Variants in TRDMT1 observed in about 807,000 individuals in gnomAD.
The protein encoded by TRDMT1 is tRNA (cytosine(38)-C(5))-methyltransferase.
In TRDMT1, 49 loss-of-function variants were observed where a neutral mutation model predicts 51.2. The observed-to-expected ratio is 0.96, with a 90% CI of 0.76 to 1.21. The LOEUF is 1.21. Among genes scored for constraint, TRDMT1 ranks in the 50% most tolerant of loss-of-function variants. TRDMT1 has a pLI of 0.00. For synonymous variants in TRDMT1, 187 were observed against 164.6 expected, an observed-to-expected ratio of 1.14 and a Z score of -1.04; for missense variants, 534 against 462.3, an observed-to-expected ratio of 1.16 and a Z score of -1.42.
intron 3 of TRDMT1, among the ~76,000 whole-genome samples, 180 bp from the exon 4 acceptor site, chr10:17,162,417 A>G: frequency 6.6e-6 from 1 of 152,160 alleles, no homozygotes; most frequent in Admixed American, 6.5e-5. Context: ...ATTTATAAAG[A>G]AAAAAGGGGT....
At chr10:17,163,604 A>T (rs1310731716) in intron 3 of TRDMT1, among the ~76,000 whole-genome samples, 1 of 152,188 alleles carries the variant, frequency 6.6e-6, no homozygotes, top group Non-Finnish European at 1.5e-5. Context: ...GAAAAGATCA[A>T]CAAAATTGAT....
chr10:17,172,275 C>T (rs1240210311), intron 2 of TRDMT1, among the ~76,000 whole-genome samples: 2 of 152,030 alleles, frequency 1.3e-5, no homozygotes, highest in African/African-American at 4.8e-5. Context: ...GACCTTAAGT[C>T]AGAAATTAAG....
At chr10:17,176,477 C>T (rs1381934896) in intron 1 of TRDMT1, among the ~76,000 whole-genome samples, 3 of 152,050 alleles carry the variant, frequency 2.0e-5, no homozygotes, top group African/African-American at 7.2e-5. Flanking sequence ...ATATGGTGAT[C>T]CAAAAACTGA....
intron 1 of TRDMT1, among the ~76,000 whole-genome samples, chr10:17,183,608 A>G (rs559530851): frequency 6.6e-6 from 1 of 152,056 alleles, no homozygotes; most frequent in South Asian, 2.1e-4. Flanking sequence ...AGAAAGAGAC[A>G]GGGTTTCACC....
chr10:17,165,241 A>G (rs1841019634), intron 3 of TRDMT1, among the ~76,000 whole-genome samples: 1 of 152,222 alleles, frequency 6.6e-6, no homozygotes, highest in African/African-American at 2.4e-5. Context: ...CTGATCTTTG[A>G]CAAACCTGAC....
chr10:17,179,997 T>C (rs1843078938), intron 1 of TRDMT1, among the ~76,000 whole-genome samples: 2 of 152,162 alleles, frequency 1.3e-5, no homozygotes, highest in Admixed American at 1.3e-4. Flanking sequence ...AAAGACACTT[T>C]CTAGCCCTGA....
chr10:17,160,761 G>A (rs1380569869), intron 5 of TRDMT1, among the ~76,000 whole-genome samples: 1 of 152,124 alleles, frequency 6.6e-6, no homozygotes, highest in Non-Finnish European at 1.5e-5. Flanking sequence ...GTGAGCCACC[G>A]CGCCCGGCCC....
In TRDMT1 at chr10:17,172,677, G is replaced by T. The variant is rs1214992013; in HGVS notation, c.174+1874C>A. Among the ~76,000 whole-genome samples, 5 of 152,012 alleles carry T rather than the reference G, an allele frequency of 3.3e-5. No individual in the cohort carries two copies. The East Asian group carries it at 9.6e-4, about 29-fold the overall frequency. On this transcript the variant is annotated intron_variant, in intron 2 of 10. Coordinates refer to ENST00000377799, the MANE Select transcript of TRDMT1 (RefSeq NM_004412.7). Reference sequence around the variant, plus strand: ...ATGCAAACTTTGATCTAAAACACAAGGATAAAAAGTGCTGAAAATTGTAGG... The same window carrying T: ...ATGCAAACTTTGATCTAAAACACAATGATAAAAAGTGCTGAAAATTGTAGG...
intron 10 of TRDMT1, chr10:17,151,948 C>T: frequency 8.1e-7 from 1 of 1,236,008 alleles, no homozygotes; most frequent in Non-Finnish European, 1.0e-6. Context: ...TTCAGTCTGA[C>T]TCTGGGCTCT....
chr10:17,169,552 A>T (rs1438166369), intron 2 of TRDMT1: 3 of 1,287,852 alleles, frequency 2.3e-6, no homozygotes, highest in Non-Finnish European at 3.0e-6. Context: ...ATATCTCAGA[A>T]GACAAACACA....
intron 1 of TRDMT1, among the ~76,000 whole-genome samples, chr10:17,188,622 G>T (rs866297749): frequency 6.6e-6 from 1 of 152,144 alleles, no homozygotes; most frequent in Non-Finnish European, 1.5e-5. Flanking sequence ...TTCATGAAAT[G>T]ATTTTATTCT....
intron 1 of TRDMT1, among the ~76,000 whole-genome samples, chr10:17,180,539 C>CA (rs10627626): frequency 0.046 from 4,804 of 104,914 alleles, 326 homozygotes; most frequent in African/African-American, 0.14. Context: ...AACTCTGTCT[C>CA]AAAAAAAAAA....
In TRDMT1 at chr10:17,146,819, A is replaced by T. The variant is rs11254401; in HGVS notation, c.*2221T>A. On this transcript the variant is annotated 3_prime_UTR_variant, in exon 11 of 11. Transcript: ENST00000377799. ...TATAGCAGACATTCCATAAAATAAC[A>T]TTTTCCAAATTAATTATGCATACAT... 0.15 allele frequency: 146,749 copies of T among 985,214 alleles called. 11,104 individuals carry two copies. The highest frequency in any genetic ancestry group is 0.17 in the Admixed American group (2,789 of 16,260). 61.0% of individuals were successfully genotyped at this position (985,214 alleles called of 1,614,324 possible).
At chr10:17,167,679 T>G (rs1278319909) in intron 3 of TRDMT1, among the ~76,000 whole-genome samples, 3 of 152,210 alleles carry the variant, frequency 2.0e-5, no homozygotes, top group Non-Finnish European at 4.4e-5. Flanking sequence ...AACGTTGCTA[T>G]GAAAAGTCAG....
At chr10:17,193,960 A>G (rs777911648) in intron 1 of TRDMT1, among the ~76,000 whole-genome samples, 1 of 152,208 alleles carries the variant, frequency 6.6e-6, no homozygotes, top group Non-Finnish European at 1.5e-5. Context: ...TACAAAACAG[A>G]CATATCAGAC....
intron 10 of TRDMT1, 123 bp downstream of exon 10, chr10:17,153,384 G>C: frequency 8.8e-7 from 1 of 1,133,850 alleles, no homozygotes; most frequent in Non-Finnish European, 1.2e-6. Flanking sequence ...TAAATGGCAT[G>C]ATCAGGAAAG....
Position 17,144,588 on chromosome 10 carries a change from T to A in TRDMT1, c.*4452A>T. On this transcript the variant is annotated 3_prime_UTR_variant, in exon 11 of 11. Transcript: ENST00000377799. ...ATGGTAAATATAAAGCCAATGTATA[T>A]GAGAACTTGGGGAATACAAAGCCAA... 1.0e-6 allele frequency: 1 copy of A among 985,582 alleles called. No homozygotes were observed. Among genetic ancestry groups the A allele is most frequent in the Non-Finnish European group, 1.2e-6 (1 of 829,932 alleles). The allele number at this position is 985,582 out of a possible 1,614,324, so 61.1% of individuals were successfully genotyped here.
At chr10:17,167,704 C>G (rs1206564504) in intron 3 of TRDMT1, among the ~76,000 whole-genome samples, 1 of 152,042 alleles carries the variant, frequency 6.6e-6, no homozygotes, top group Non-Finnish European at 1.5e-5. Flanking sequence ...ATTCAATGTA[C>G]ATATGAATTT....
At chr10:17,184,643 T>A (rs1164239930) in intron 1 of TRDMT1, among the ~76,000 whole-genome samples, 1 of 152,148 alleles carries the variant, frequency 6.6e-6, no homozygotes, top group Non-Finnish European at 1.5e-5. Context: ...CTGCTACAGA[T>A]ACCTCTAAAA....
Sources: gnomAD v4.1 joint callset for allele counts (sites outside exome capture counted in the v4.1 genomes callset) on GRCh38, gnomAD v4.1.1 for gene constraint, MANE v1.5 for transcripts, NCBI Gene and HGNC (gene_info 2026-07-23, HGNC 2026-07-21) for gene names.